The following LRRC49 variants were observed in gnomAD, a reference collection of about 807,000 sequenced individuals.
The protein encoded by LRRC49 is leucine rich repeat containing 49, also known as leucine-rich repeat-containing protein 49.
A neutral mutation model predicts 83.3 loss-of-function variants in LRRC49; 50 were observed. That is an observed-to-expected ratio of 0.60 (90% CI 0.48 to 0.76). The LOEUF (loss-of-function observed/expected upper bound fraction) is 0.76. LRRC49 is among the 30% of genes least tolerant of loss of function. LRRC49 has a pLI of 0.00. For missense variants in LRRC49, 704 were observed against 809.1 expected, an observed-to-expected ratio of 0.87 and a Z score of 1.58; for synonymous variants, 286 against 283.3, an observed-to-expected ratio of 1.01 and a Z score of -0.10.
chr15:70,882,603 T>C lies in LRRC49; in HGVS notation c.18+9380T>C, dbSNP rs375612486. Reference sequence around the variant, plus strand: ...GACCACAATTCCTCTGTCTGAGTAGTTGCATTACACAGTCTTTTTCCAAAC... The same window carrying C: ...GACCACAATTCCTCTGTCTGAGTAGCTGCATTACACAGTCTTTTTCCAAAC... On this transcript the variant is annotated intron_variant, in intron 2 of 16. Coordinates refer to the LRRC49 transcript ENST00000544974. 187 of 1,614,106 alleles carry C rather than the reference T, an allele frequency of 1.2e-4. 1 individual carries two copies. The East Asian group carries it at 3.6e-3, about 31-fold the overall frequency.
At chr15:70,892,164 C>A, upstream of LRRC49, 1 of 1,612,174 alleles carries the variant, frequency 6.2e-7, no homozygotes, top group South Asian at 1.1e-5. Flanking sequence ...CAACCCCGCA[C>A]GAAGCGGTCC....
At chr15:70,879,578 C>T (rs183729117) in intron 2 of LRRC49, among the ~76,000 whole-genome samples, 2 of 152,294 alleles carry the variant, frequency 1.3e-5, no homozygotes, top group East Asian at 3.9e-4. Context: ...TTATGCCGGG[C>T]CCCCAGAGGT....
intron 9 of LRRC49, among the ~76,000 whole-genome samples, chr15:70,976,008 A>T (rs2037193290): frequency 6.6e-6 from 1 of 152,222 alleles, no homozygotes; most frequent in African/African-American, 2.4e-5. Flanking sequence ...GTCACTGCGG[A>T]AGCCTATATA....
intron 8 of LRRC49, among the ~76,000 whole-genome samples, chr15:70,939,281 A>G (rs1159084287): frequency 6.6e-6 from 1 of 152,180 alleles, no homozygotes; most frequent in Non-Finnish European, 1.5e-5. Context: ...TCTAGCATGT[A>G]TGTGTTCTTA....
intron 7 of LRRC49, among the ~76,000 whole-genome samples, chr15:70,932,188 A>AT (rs2035432939): frequency 6.6e-6 from 1 of 152,194 alleles, no homozygotes; most frequent in African/African-American, 2.4e-5. Flanking sequence ...CAAAAACCAG[A>AT]TAAACCCATT....
chr15:70,955,138 T>A (rs944213635), intron 8 of LRRC49, among the ~76,000 whole-genome samples: 4 of 152,158 alleles, frequency 2.6e-5, no homozygotes, highest in East Asian at 3.9e-4. Flanking sequence ...TACTTTTTTT[T>A]AAATCTGAGG....
At chr15:70,969,261 T>G (rs1362062404) in intron 9 of LRRC49, among the ~76,000 whole-genome samples, 5 of 152,220 alleles carry the variant, frequency 3.3e-5, no homozygotes, top group Non-Finnish European at 7.3e-5. Context: ...ATTGCTTGTT[T>G]TTGTCAGGTT....
At chr15:70,934,813 G>T (rs1220271811) in intron 7 of LRRC49, among the ~76,000 whole-genome samples, 1 of 152,160 alleles carries the variant, frequency 6.6e-6, no homozygotes, top group Non-Finnish European at 1.5e-5. Context: ...AGTTTCTCCA[G>T]GTTGAGTGCC....
chr15:70,893,604 G>C lies in LRRC49; in HGVS notation c.69G>C (p.Leu23=). The C allele has an allele frequency of 6.2e-7, 1 of 1,610,218 alleles. No individual in the cohort carries two copies. The highest frequency in any genetic ancestry group is 2.2e-5 in the East Asian group (1 of 44,754). ...AANNVNCGLH[L]VIQTSSLPEK... ...TTCAGGTGAACTGCGGGCTTCATCTGGTTATTCAAACATCATCGCTTCCTG... is the reference window on the plus strand; with the variant it reads ...TTCAGGTGAACTGCGGGCTTCATCTCGTTATTCAAACATCATCGCTTCCTG... The change falls in exon 2 of 16, where the codon CTG becomes CTC. Residue 23 remains leucine, a synonymous_variant. Coordinates refer to ENST00000260382, the MANE Select transcript of LRRC49 (RefSeq NM_017691.5).
intron 8 of LRRC49, among the ~76,000 whole-genome samples, chr15:70,959,011 AGAGAT>A (rs1477544932): frequency 6.6e-6 from 1 of 152,188 alleles, no homozygotes; most frequent in Non-Finnish European, 1.5e-5. Context: ...CACAGTGAGA[AGAGAT>A]ATTTAATTTA....
chr15:70,901,074 A>G (rs2034057155), intron 4 of LRRC49, 50 bp downstream of exon 4: 2 of 1,073,110 alleles, frequency 1.9e-6, no homozygotes, highest in South Asian at 1.4e-5. Flanking sequence ...TAATACATAG[A>G]CGTGGTACAA....
chr15:70,935,366 A>G (rs1227676340), intron 7 of LRRC49, among the ~76,000 whole-genome samples: 1 of 152,122 alleles, frequency 6.6e-6, no homozygotes, highest in Non-Finnish European at 1.5e-5. Context: ...AGGCAGCTTC[A>G]TTTTTCCTTT....
At chr15:70,935,733 T>C (rs957880493) in intron 7 of LRRC49, among the ~76,000 whole-genome samples, 1 of 152,204 alleles carries the variant, frequency 6.6e-6, no homozygotes, top group African/African-American at 2.4e-5. Context: ...ACGAAAAACA[T>C]TTTATATGAG....
At chr15:71,046,913 C>T (rs1039843325) in intron 15 of LRRC49, among the ~76,000 whole-genome samples, 2 of 152,152 alleles carry the variant, frequency 1.3e-5, no homozygotes, top group African/African-American at 4.8e-5. Context: ...ATATGGCTAG[C>T]CAGTTATCTC....
At chr15:70,949,632 G>A (rs1399144697) in intron 8 of LRRC49, among the ~76,000 whole-genome samples, 1 of 152,008 alleles carries the variant, frequency 6.6e-6, no homozygotes, top group South Asian at 2.1e-4. Context: ...TAATATTTGT[G>A]TATAACCTAT....
chr15:70,880,191 C>A (rs1197565633), intron 2 of LRRC49, among the ~76,000 whole-genome samples: 3 of 152,188 alleles, frequency 2.0e-5, no homozygotes, highest in Non-Finnish European at 4.4e-5. Flanking sequence ...ATATGCTCTC[C>A]TCAGAGAGGT....
intron 2 of LRRC49, among the ~76,000 whole-genome samples, chr15:70,883,697 G>A (rs975700608): frequency 1.3e-5 from 2 of 148,246 alleles, no homozygotes; most frequent in Non-Finnish European, 1.5e-5. Context: ...CACCCAGACC[G>A]GAGTGCAGAA....
intron 2 of LRRC49, chr15:70,882,780 C>T (rs1011105873): frequency 6.2e-7 from 1 of 1,614,134 alleles, no homozygotes; most frequent in African/African-American, 1.3e-5. Flanking sequence ...GGTGACGGGG[C>T]CTTTTCAAAG....
chr15:70,856,379 C>T (rs1397919441), intron 1 of LRRC49, among the ~76,000 whole-genome samples: 3 of 152,078 alleles, frequency 2.0e-5, no homozygotes, highest in Non-Finnish European at 2.9e-5. Context: ...TCATCCAGCT[C>T]GGAGCTGCTC....
Sources: gnomAD v4.1 joint callset for allele counts (sites outside exome capture counted in the v4.1 genomes callset) on GRCh38, gnomAD v4.1.1 for gene constraint, MANE v1.5 for transcripts, NCBI Gene and HGNC (gene_info 2026-07-23, HGNC 2026-07-21) for gene names.